KCNC4: variants seen among roughly 807,000 people sequenced by gnomAD.
KCNC4 encodes the protein voltage-gated potassium channel KCNC4.
In KCNC4, 23 loss-of-function variants were observed where a neutral mutation model predicts 42.8. The observed-to-expected ratio is 0.54, with a 90% CI of 0.39 to 0.76. The LOEUF (loss-of-function observed/expected upper bound fraction) is 0.76. KCNC4 is among the 30% of genes least tolerant of loss of function. The pLI is 0.00. For synonymous variants in KCNC4, 422 were observed against 393.5 expected (o/e 1.07, Z -0.86); for missense variants, 751 against 898.2 (o/e 0.84, Z 2.10).
intron 2 of KCNC4, chr1:110,224,186 A>G: frequency 2.6e-6 from 1 of 390,388 alleles, no homozygotes; most frequent in Non-Finnish European, 4.6e-6. Context: ...TTTTAAATCC[A>G]ATCTTGGCCA....
intron 3 of KCNC4, among the ~76,000 whole-genome samples, chr1:110,231,416 T>A (rs1300030072): frequency 6.6e-6 from 1 of 151,706 alleles, no homozygotes. Context: ...GGATGGAGAG[T>A]CCATGGAAGC....
At chr1:110,214,789 G>A (rs1356189752) in intron 1 of KCNC4, among the ~76,000 whole-genome samples, 2 of 152,234 alleles carry the variant, frequency 1.3e-5, no homozygotes, top group African/African-American at 2.4e-5. Flanking sequence ...TCCTTCTGAG[G>A]TTCTGTACCT....
downstream of KCNC4, among the ~76,000 whole-genome samples, chr1:110,253,519 C>T (rs1330118199): frequency 6.6e-6 from 1 of 152,208 alleles, no homozygotes; most frequent in Non-Finnish European, 1.5e-5. Context: ...TGTCCCCTGT[C>T]TTGATGCATC....
intron 1 of KCNC4, among the ~76,000 whole-genome samples, chr1:110,257,720 C>CAAAAAAAAAAAAAAA (rs56333861): frequency 1.3e-4 from 12 of 90,974 alleles, no homozygotes; most frequent in African/African-American, 5.4e-4. Flanking sequence ...GACTCCGTCT[C>CAAAAAAAAAAAAAAA]AAAAAAAAAA....
Position 110,211,735 on chromosome 1 carries a change from G to T in KCNC4, c.236G>T (p.Gly79Val). Residue 79 changes from glycine (G) to valine (V), a missense_variant, in exon 1 of 4, where the codon GGC becomes GTC. Physicochemically the swap from Gly to Val is moderately radical, Grantham distance 109 (BLOSUM62 -3). This residue lies in a region of KCNC4 where 183 missense variants were observed against 255.8 expected (regional missense o/e 0.72). Coordinates refer to ENST00000438661, the MANE Select transcript of KCNC4 (RefSeq NM_001039574.3). The surrounding 1 kb of genome is among the most constrained non-coding windows in gnomAD (Gnocchi z 6.5). ...GGGGGCCGGCCCGAGACCGATGGCGGCGGTGTGGGTAGCAGCGGCAGCAGC... is the reference window on the plus strand; with the variant it reads ...GGGGGCCGGCCCGAGACCGATGGCGTCGGTGTGGGTAGCAGCGGCAGCAGC... ...DGGGRPETDG[G>V]GVGSSGSSGG... The T allele has an allele frequency of 6.2e-7, 1 of 1,609,162 alleles. No homozygotes were observed. The highest frequency in any genetic ancestry group is 1.7e-4 in the Middle Eastern group (1 of 5,742).
At chr1:110,218,523 C>T (rs984728362) in intron 1 of KCNC4, among the ~76,000 whole-genome samples, 1 of 152,100 alleles carries the variant, frequency 6.6e-6, no homozygotes, top group African/African-American at 2.4e-5. Flanking sequence ...ACCCTTAGAC[C>T]ACCTGACATA....
At chr1:110,252,120 C>T (rs1467231085), downstream of KCNC4, among the ~76,000 whole-genome samples, 1 of 152,194 alleles carries the variant, frequency 6.6e-6, no homozygotes, top group Non-Finnish European at 1.5e-5. Flanking sequence ...AATCAAGGTG[C>T]CCAGAACCCA....
intron 1 of KCNC4, among the ~76,000 whole-genome samples, chr1:110,269,024 G>A (rs1270874834): frequency 6.6e-6 from 1 of 152,152 alleles, no homozygotes; most frequent in Non-Finnish European, 1.5e-5. Context: ...CCTACCCTGA[G>A]ATTATTAAGC....
intron 3 of KCNC4, among the ~76,000 whole-genome samples, chr1:110,230,452 G>A (rs922562219): frequency 6.6e-5 from 10 of 152,216 alleles, no homozygotes; most frequent in South Asian, 4.1e-4. Context: ...GGTTCACAGG[G>A]ATGCCACCAC....
intron 1 of KCNC4, among the ~76,000 whole-genome samples, chr1:110,268,622 A>G (rs1441899260): frequency 1.3e-5 from 2 of 149,518 alleles, no homozygotes; most frequent in Non-Finnish European, 1.5e-5. Context: ...AAAAAAAAAA[A>G]AAAAAGAAAA....
At chr1:110,261,332 T>C (rs77137036) in intron 1 of KCNC4, among the ~76,000 whole-genome samples, 11,673 of 152,258 alleles carry the variant, frequency 0.077, 653 homozygotes, top group African/African-American at 0.15. Context: ...ATGCAATCTT[T>C]TGTCAGCAGG....
At chr1:110,260,853 C>G (rs1236956516) in intron 1 of KCNC4, among the ~76,000 whole-genome samples, 1 of 152,174 alleles carries the variant, frequency 6.6e-6, no homozygotes. Context: ...TGGTGTGAAC[C>G]GGGGAGGCGG....
chr1:110,238,160 C>G (rs1658950436), downstream of KCNC4: 1 of 152,218 alleles, frequency 6.6e-6, no homozygotes, highest in African/African-American at 2.4e-5. Flanking sequence ...CACTGGAAGC[C>G]TCTCCTTTCT....
In KCNC4 at chr1:110,225,689, C is replaced by G. The variant is rs1051447009; in HGVS notation, c.1616-286C>G. ...GCTGATCTCCTGGGGCAGCCGTCAG[C>G]AGGCAGATTTGGGGAGTCACTGCTG... On this transcript the variant is annotated intron_variant, in intron 2 of 3. Coordinates refer to ENST00000438661, the MANE Select transcript of KCNC4 (RefSeq NM_001039574.3). 69 of 364,460 alleles carry G rather than the reference C, an allele frequency of 1.9e-4. No homozygotes were observed. The Admixed American group carries it at 2.5e-3, about 13-fold the overall frequency. The allele number at this position is 364,460 out of a possible 1,614,324, so 22.6% of individuals were successfully genotyped here. A position where few individuals can be genotyped will look rare whatever the true frequency, so the allele number is the denominator to read the frequency against.
intron 3 of KCNC4, among the ~76,000 whole-genome samples, chr1:110,226,893 A>G (rs1032469879): frequency 3.3e-5 from 5 of 152,174 alleles, no homozygotes; most frequent in Admixed American, 3.3e-4. Flanking sequence ...GCAAGGGCAG[A>G]GGTTGGGCTG....
chr1:110,272,866 G>T (rs1386239404), intron 1 of KCNC4, among the ~76,000 whole-genome samples: 1 of 152,136 alleles, frequency 6.6e-6, no homozygotes, highest in Admixed American at 6.5e-5. Flanking sequence ...ATTTTGGTTT[G>T]CTTTTCTGTC....
At chr1:110,237,811 C>T (rs1433677264), downstream of KCNC4, 1 of 152,254 alleles carries the variant, frequency 6.6e-6, no homozygotes, top group African/African-American at 2.4e-5. Context: ...TGTGTCTCCT[C>T]TAGTCTGGAG....
chr1:110,221,143 A>G (rs1001238229), intron 1 of KCNC4: 1 of 152,256 alleles, frequency 6.6e-6, no homozygotes, highest in Non-Finnish European at 1.5e-5. Flanking sequence ...AACTGGGAAC[A>G]GGATCAGTGA....
At chr1:110,259,246 G>A (rs115227743) in intron 1 of KCNC4, among the ~76,000 whole-genome samples, 1,673 of 152,282 alleles carry the variant, frequency 0.011, 15 homozygotes, top group Middle Eastern at 0.017. Context: ...TAGGGCACAC[G>A]GGGAACCCAC....
Sources: allele counts gnomAD v4.1 joint callset (sites outside exome capture counted in the v4.1 genomes callset), GRCh38; gene constraint gnomAD v4.1.1; regional missense constraint gnomAD v4.1.1; non-coding constraint Gnocchi (gnomAD v3.1); transcripts MANE v1.5; gene names NCBI Gene and HGNC (gene_info 2026-07-23, HGNC 2026-07-21).